Variants in DCLRE1A observed in about 807,000 individuals in gnomAD.
DCLRE1A encodes DNA cross-link repair 1A.
A neutral mutation model predicts 91.9 loss-of-function variants in DCLRE1A; 64 were observed. The ratio of observed to expected loss-of-function variants is 0.70; its 90% confidence interval spans 0.57 to 0.86. The LOEUF (loss-of-function observed/expected upper bound fraction) is 0.86, where lower values mean the gene tolerates loss of function less well. DCLRE1A is among the 40% of genes least tolerant of loss of function. The pLI, the probability that DCLRE1A is intolerant of heterozygous loss-of-function variation, is 0.00. For synonymous variants in DCLRE1A, 416 were observed against 431.1 expected (o/e 0.96, Z 0.43); for missense variants, 1,145 against 1,213.3 (o/e 0.94, Z 0.84).
intron 8 of DCLRE1A, 41 bp from the exon 9 acceptor site, chr10:113,835,353 CTAATT>C: frequency 6.6e-7 from 1 of 1,511,614 alleles, no homozygotes; most frequent in Non-Finnish European, 8.9e-7. Flanking sequence ...TAAAATCAAA[CTAATT>C]TAAACTTTCA....
rs145355624 is a variant in DCLRE1A, at chr10:113,835,625, C to G, written c.2963-313G>C. On this transcript the variant is annotated intron_variant, in intron 8 of 8. Transcript: ENST00000361384. ...TTGGATCATGGGGGCAGATCTGCCC[C>G]TTGTTGTTCTTCTGATAGTGAGTTC... 5.6e-3 allele frequency among the ~76,000 whole-genome samples: 859 copies of G among 152,182 alleles called. 2 individuals are homozygous for G. Among genetic ancestry groups the G allele is most frequent in the Non-Finnish European group, 6.7e-3 (458 of 68,006 alleles).
Position 113,841,519 on chromosome 10 carries a change from C to G in DCLRE1A, c.2707G>C (p.Glu903Gln), listed in dbSNP as rs1020506684. ...VLGSKVGMSQ[E>Q]KYKTLQCLNI... ...AGGCACTGTAGAGTTTTATATTTTT[C>G]CTGGGACATGCCCACTTTTGAACCT... The change falls in exon 7 of 9, where the codon GAA becomes CAA. Residue 903 changes from glutamate (E) to glutamine (Q), a missense_variant. Physicochemically the swap from Glu to Gln is conservative, Grantham distance 29 (BLOSUM62 2). Coordinates refer to ENST00000361384, the MANE Select transcript of DCLRE1A (RefSeq NM_014881.5). The G allele has an allele frequency of 1.2e-6, 2 of 1,612,366 alleles. No individual in the cohort carries two copies. The highest frequency in any genetic ancestry group is 1.7e-6 in the Non-Finnish European group (2 of 1,179,288).
rs921523246 is a variant in DCLRE1A, at chr10:113,849,688, C to A, written c.1417G>T (p.Val473Leu). The change falls in exon 2 of 9, where the codon GTA becomes TTA. Residue 473 changes from valine (V) to leucine (L), a missense_variant. Physicochemically the swap from Val to Leu is conservative, Grantham distance 32 (BLOSUM62 1). Transcript: ENST00000361384. The stretch of plus-strand genomic sequence containing the variant: ...GGTTGGGAAGAAAGATACCCTTCTA[C>A]CTGACTTTCAAAAGGTTTCAACATT... ...SLMLKPFESQ[V>L]EGYLSSQPTQ... 2 of 1,614,132 alleles carry A rather than the reference C, an allele frequency of 1.2e-6. No individual in the cohort carries two copies. Among genetic ancestry groups the A allele is most frequent in the African/African-American group, 1.3e-5 (1 of 75,026 alleles).
upstream of DCLRE1A, chr10:113,854,306 T>A (rs1224596335): frequency 6.6e-6 from 1 of 152,214 alleles, no homozygotes; most frequent in African/African-American, 2.4e-5. Flanking sequence ...GCCAGTCACT[T>A]CCAGTTTACA....
intron 3 of DCLRE1A, among the ~76,000 whole-genome samples, chr10:113,846,918 A>G (rs1845547412): frequency 6.6e-6 from 1 of 152,192 alleles, no homozygotes; most frequent in Non-Finnish European, 1.5e-5. Context: ...TGCCTTGAGA[A>G]TCCATTTAGG....
intron 7 of DCLRE1A, 134 bp from the exon 8 acceptor site, chr10:113,837,337 C>T (rs1214567424): frequency 1.5e-5 from 9 of 614,534 alleles, no homozygotes; most frequent in Middle Eastern, 5.7e-4. Context: ...CAACCTAGTG[C>T]TATGCTTCTA....
In DCLRE1A at chr10:113,834,920, A is replaced by C; in HGVS notation, c.*232T>G. 1 of 395,004 alleles carries C rather than the reference A, an allele frequency of 2.5e-6. No homozygotes were observed. The highest frequency in any genetic ancestry group is 5.2e-5 in the South Asian group (1 of 19,052). 24.5% of individuals were successfully genotyped at this position (395,004 alleles called of 1,614,324 possible). ...CAGAATATAACTGCCCATGGAGGGC[A>C]GGGGACAAGAAATTAAGGGTCCCAG... On this transcript the variant is annotated 3_prime_UTR_variant, in exon 9 of 9. Coordinates refer to ENST00000361384, the MANE Select transcript of DCLRE1A (RefSeq NM_014881.5).
chr10:113,849,785 T>C lies in DCLRE1A; in HGVS notation c.1320A>G (p.Ser440=), dbSNP rs1845610307. 2 of 1,614,084 alleles carry C rather than the reference T, an allele frequency of 1.2e-6. No individual in the cohort carries two copies. Among genetic ancestry groups the C allele is most frequent in the African/African-American group, 1.3e-5 (1 of 74,922 alleles). ...PDEPEFHSAQ[S]NKQKQVIEES... is the part of the protein sequence containing the mutation. The stretch of plus-strand genomic sequence containing the variant: ...CTTCAATTACCTGTTTCTGTTTATT[T>C]GATTGAGCTGAGTGAAATTCTGGCT... The change falls in exon 2 of 9, where the codon TCA becomes TCG. Residue 440 remains serine, a synonymous_variant. Transcript: ENST00000361384.
rs1305205900 is a variant in DCLRE1A, at chr10:113,850,142, T to C, written c.963A>G (p.Glu321=). 1.2e-6 allele frequency: 2 copies of C among 1,614,178 alleles called. No homozygotes were observed. Among genetic ancestry groups the C allele is most frequent in the East Asian group, 4.5e-5 (2 of 44,890 alleles). The stretch of plus-strand genomic sequence containing the variant: ...TTGAGCTTTCGGTAAAAAACAGTTG[T>C]TCTTGTGAATCATCCGGTTTTTCAT... ...DIDEKPDDSQ[E]QLFFTESSKD... is the part of the protein sequence containing the mutation. The change falls in exon 2 of 9, where the codon GAA becomes GAG. Residue 321 remains glutamate (E), a synonymous_variant. Transcript: ENST00000361384.
At chr10:113,848,084 C>T (rs980373555) in intron 2 of DCLRE1A, among the ~76,000 whole-genome samples, 1 of 152,026 alleles carries the variant, frequency 6.6e-6, no homozygotes, top group Admixed American at 6.5e-5. Flanking sequence ...GAGGCCGAGG[C>T]GGGCGGATCA....
intron 8 of DCLRE1A, 80 bp downstream of exon 8, chr10:113,836,982 G>A: frequency 7.8e-7 from 1 of 1,286,122 alleles, no homozygotes; most frequent in Non-Finnish European, 1.0e-6. Flanking sequence ...GTTTTTGTTG[G>A]ATTTGAACCT....
chr10:113,849,468 G>A lies in DCLRE1A; in HGVS notation c.1637C>T (p.Ala546Val), dbSNP rs1435830508. Residue 546 changes from alanine to valine, a missense_variant, in exon 2 of 9, where the codon GCA (alanine) becomes GTA (valine). Ala to Val is a moderately conservative substitution (Grantham distance 64, BLOSUM62 0). Transcript: ENST00000361384. The part of the protein sequence containing the change: ...KILPSGLKYN[A>V]RHPSTKVMKQ... ...CATTACCTTGGTAGAAGGATGTCTT[G>A]CATTATACTTAAGACCAGAAGGCAA... The A allele has an allele frequency of 3.1e-6, 5 of 1,614,094 alleles. No individual in the cohort carries two copies. Among genetic ancestry groups the A allele is most frequent in the Non-Finnish European group, 4.2e-6 (5 of 1,180,022 alleles).
intron 7 of DCLRE1A, among the ~76,000 whole-genome samples, chr10:113,837,689 T>C (rs972804611): frequency 6.6e-6 from 1 of 152,198 alleles, no homozygotes; most frequent in African/African-American, 2.4e-5. Flanking sequence ...AATAGCATTC[T>C]TTTCAGGTGT....
intron 8 of DCLRE1A, among the ~76,000 whole-genome samples, 168 bp from the exon 9 acceptor site, chr10:113,835,480 T>G (rs896377506): frequency 6.6e-6 from 1 of 152,248 alleles, no homozygotes; most frequent in Non-Finnish European, 1.5e-5. Flanking sequence ...ATATCTTTTA[T>G]GAATAATAAA....
rs534445120 is a variant in DCLRE1A at position 113,850,436 on chromosome 10, C to T, written c.669G>A (p.Ser223=). 4.4e-5 allele frequency: 71 copies of T among 1,614,108 alleles called. No individual in the cohort carries two copies. The highest frequency in any genetic ancestry group is 1.6e-4 in the Middle Eastern group (1 of 6,062). The change falls in exon 2 of 9, where the codon TCG becomes TCA. Residue 223 remains serine (S), a synonymous_variant. Coordinates refer to ENST00000361384, the MANE Select transcript of DCLRE1A (RefSeq NM_014881.5). ...TCATCAATAAGGGATCATTTGAAAC[C>T]GAGTTATCAGTTTGGTTCTGATACG... ...WSSYQNQTDN[S]VSNDPLLMTQ...
intron 3 of DCLRE1A, 73 bp downstream of exon 3, chr10:113,847,129 A>G (rs1338337099): frequency 2.2e-6 from 3 of 1,355,174 alleles, no homozygotes; most frequent in African/African-American, 1.4e-5. Flanking sequence ...TGGTTTAATT[A>G]TTATTTTTTA....
At chr10:113,847,704 T>A (rs1173533784) in intron 2 of DCLRE1A, among the ~76,000 whole-genome samples, 4 of 152,078 alleles carry the variant, frequency 2.6e-5, no homozygotes, top group Admixed American at 1.3e-4. Flanking sequence ...GAATTCTCAA[T>A]GGGGGCAGTA....
rs758205882 is a variant in DCLRE1A at position 113,852,955 on chromosome 10, A to G, written c.228T>C (p.Val76=). ...CACAACTTGAATTCTGACTAGAAGC[A>G]ACAGAAGTCTGACAACCTGCATTTC... is the stretch of plus-strand genomic sequence containing the variant. ...PLGNAGCQTS[V]ASSQNSSCGD... Residue 76 remains valine (V), a synonymous_variant, in exon 1 of 9, where the codon GTT becomes GTC. Transcript: ENST00000361384. The G allele has an allele frequency of 1.9e-5, 30 of 1,614,090 alleles. No homozygotes were observed. The East Asian group carries it at 6.5e-4, about 35-fold the overall frequency.
chr10:113,838,123 C>T (rs889460601), intron 7 of DCLRE1A, among the ~76,000 whole-genome samples: 1 of 152,076 alleles, frequency 6.6e-6, no homozygotes, highest in Non-Finnish European at 1.5e-5. Context: ...TTACCAATTA[C>T]TATGCACACC....
Sources: allele counts gnomAD v4.1 joint callset (sites outside exome capture counted in the v4.1 genomes callset), GRCh38; gene constraint gnomAD v4.1.1; transcripts MANE v1.5; gene names NCBI Gene and HGNC (gene_info 2026-07-23, HGNC 2026-07-21).